Variants in LRTM1 observed in about 807,000 individuals in gnomAD.
LRTM1 encodes leucine-rich repeat and transmembrane domain-containing protein 1.
In LRTM1, 38 loss-of-function variants were observed where a neutral mutation model predicts 32.4. That is an observed-to-expected ratio of 1.17 (90% CI 0.91 to 1.54). The LOEUF (loss-of-function observed/expected upper bound fraction) is 1.54. LRTM1 is among the 40% of genes most tolerant of loss of function. The pLI is 0.00. For missense variants in LRTM1, 466 were observed against 415.4 expected, an observed-to-expected ratio of 1.12 and a Z score of -1.06; for synonymous variants, 186 against 169.9, an observed-to-expected ratio of 1.09 and a Z score of -0.74.
chr3:54,959,338 T>C (rs1355850297), intron 1 of LRTM1, among the ~76,000 whole-genome samples: 2 of 152,160 alleles, frequency 1.3e-5, no homozygotes, highest in African/African-American at 4.8e-5. Flanking sequence ...GGGAGCTGGG[T>C]GTGCTTGGGC....
intron 1 of LRTM1, among the ~76,000 whole-genome samples, chr3:54,961,371 C>T (rs973913774): frequency 2.6e-5 from 4 of 152,174 alleles, no homozygotes; most frequent in African/African-American, 7.2e-5. Flanking sequence ...GGAAAAGTCA[C>T]TCTACTCCTA....
At chr3:54,936,817 G>A (rs1360037108) in intron 1 of LRTM1, among the ~76,000 whole-genome samples, 5 of 152,148 alleles carry the variant, frequency 3.3e-5, no homozygotes, top group African/African-American at 9.7e-5. Flanking sequence ...GTTGATAGGA[G>A]TGGAAACATT....
chr3:54,932,997 G>T (rs1303789432), upstream of LRTM1, among the ~76,000 whole-genome samples: 1 of 152,094 alleles, frequency 6.6e-6, no homozygotes, highest in Non-Finnish European at 1.5e-5. Flanking sequence ...CAGGTACACA[G>T]TTTATACAGA....
intron 2 of LRTM1, among the ~76,000 whole-genome samples, chr3:54,921,935 C>T (rs1700864150): frequency 6.7e-6 from 1 of 148,884 alleles, no homozygotes; most frequent in African/African-American, 2.4e-5. Flanking sequence ...AAGATCTTGA[C>T]TCATATCTGT....
intron 1 of LRTM1, among the ~76,000 whole-genome samples, chr3:54,946,800 A>T (rs759038563): frequency 1.5e-4 from 23 of 149,654 alleles, no homozygotes; most frequent in Non-Finnish European, 2.8e-4. Flanking sequence ...ACAACTTTGG[A>T]AGTAGATGTG....
intron 1 of LRTM1, among the ~76,000 whole-genome samples, chr3:54,939,706 G>C (rs769561273): frequency 6.6e-6 from 1 of 152,176 alleles, no homozygotes; most frequent in African/African-American, 2.4e-5. Context: ...TTCAGAAGCC[G>C]CCCCTGCAGG....
chr3:54,930,485 G>A (rs886803455), upstream of LRTM1, among the ~76,000 whole-genome samples: 11 of 152,172 alleles, frequency 7.2e-5, no homozygotes, highest in African/African-American at 2.7e-4. Flanking sequence ...TGTCTATAAG[G>A]CCCAGCTGGG....
intron 1 of LRTM1, among the ~76,000 whole-genome samples, chr3:54,949,069 C>T (rs1424365280): frequency 1.2e-4 from 18 of 152,196 alleles, no homozygotes; most frequent in Non-Finnish European, 1.5e-5. Flanking sequence ...AGCAGGCCTT[C>T]CTCATCCAGT....
chr3:54,918,427 G>T lies in LRTM1; in HGVS notation c.*32C>A, dbSNP rs1700726310. 1 of 1,576,384 alleles carries T rather than the reference G, an allele frequency of 6.3e-7. No homozygotes were observed. Among genetic ancestry groups the T allele is most frequent in the South Asian group, 1.1e-5 (1 of 89,524 alleles). ...CTACTCAGACACTATCTTCTGGCCT[G>T]CAATGACCAATCCTATTTGAGACAA... On this transcript the variant is annotated 3_prime_UTR_variant, in exon 3 of 3. Transcript: ENST00000273286.
At chr3:54,959,194 C>T (rs555379504) in intron 1 of LRTM1, among the ~76,000 whole-genome samples, 24 of 152,304 alleles carry the variant, frequency 1.6e-4, no homozygotes, top group South Asian at 1.0e-3. Flanking sequence ...CCACAAGGTA[C>T]CAGTTGGGCC....
At chr3:54,955,542 A>G (rs1254851841) in intron 1 of LRTM1, among the ~76,000 whole-genome samples, 1 of 152,212 alleles carries the variant, frequency 6.6e-6, no homozygotes, top group Admixed American at 6.5e-5. Context: ...AAGAGGAGAA[A>G]CAATACTAAG....
rs750226567 is a variant in LRTM1 at position 54,924,704 on chromosome 3, C to T, written c.519G>A (p.Arg173=). 1.2e-6 allele frequency: 2 copies of T among 1,614,108 alleles called. No homozygotes were observed. The highest frequency in any genetic ancestry group is 1.6e-4 in the Middle Eastern group (1 of 6,062). ...RALLESMPSV[R]LLLLKDNLWK... is the part of the protein sequence containing the mutation. ...AGAGGTTGTCCTTGAGAAGTAAAAG[C>T]CTCACACTGGGCATGGATTCCAGGA... Residue 173 remains arginine (R), a synonymous_variant, in exon 2 of 3, where the codon AGG becomes AGA. Coordinates refer to ENST00000273286, the MANE Select transcript of LRTM1 (RefSeq NM_020678.4).
chr3:54,921,540 A>G (rs1332633465), intron 2 of LRTM1, among the ~76,000 whole-genome samples: 1 of 152,224 alleles, frequency 6.6e-6, no homozygotes, highest in Non-Finnish European at 1.5e-5. Flanking sequence ...TTAGGCCAGC[A>G]GGAAGACTAA....
chr3:54,960,448 C>G (rs970671460), intron 1 of LRTM1, among the ~76,000 whole-genome samples: 2 of 152,168 alleles, frequency 1.3e-5, no homozygotes, highest in Non-Finnish European at 2.9e-5. Context: ...TTCACTTGCA[C>G]TAGGCTAAAA....
Position 54,924,845 on chromosome 3 carries a change from C to T in LRTM1, c.378G>A (p.Glu126=), listed in dbSNP as rs772958375. 5 of 1,613,932 alleles carry T rather than the reference C, an allele frequency of 3.1e-6. No homozygotes were observed. The Admixed American group carries it at 6.7e-5, about 22-fold the overall frequency. Residue 126 remains glutamate (E), a synonymous_variant, in exon 2 of 3, where the codon GAG becomes GAA. Transcript: ENST00000273286. ...TTATGTTGTTTGATGACAAATCAAG[C>T]TCCCTCAGCTGAGGGAGGGAATGGA... ...RLFHSLPQLR[E]LDLSSNNISH... is the part of the protein sequence containing the mutation.
rs114234485 is a variant in LRTM1, at chr3:54,937,667, A to G, written c.-221-12452T>C. 4.1e-3 allele frequency among the ~76,000 whole-genome samples: 618 copies of G among 152,266 alleles called. 4 individuals are homozygous for G. Among genetic ancestry groups the G allele is most frequent in the African/African-American group, 0.014 (590 of 41,554 alleles). ...CTGAGAGGTGAGGGCAGGCATCCCA[A>G]TGGATGTTATAGCCAGGCTGAAATC... On this transcript the variant is annotated intron_variant, in intron 1 of 2. Transcript: ENST00000493075.
chr3:54,964,748 G>C (rs1358965816), intron 1 of LRTM1, among the ~76,000 whole-genome samples: 1 of 152,112 alleles, frequency 6.6e-6, no homozygotes, highest in South Asian at 2.1e-4. Context: ...TTTCTGAATA[G>C]AGTTGGCCAT....
upstream of LRTM1, among the ~76,000 whole-genome samples, chr3:54,929,364 G>A (rs1197660625): frequency 6.6e-6 from 1 of 152,188 alleles, no homozygotes. Flanking sequence ...AACCTGGACC[G>A]GTCAGCAGGA....
intron 1 of LRTM1, among the ~76,000 whole-genome samples, chr3:54,936,326 A>G (rs6762013): frequency 0.16 from 25,046 of 152,122 alleles, 2,613 homozygotes; most frequent in African/African-American, 0.3. Flanking sequence ...CTGCCCGTGG[A>G]CAGAGCTCCC....
Sources: allele counts gnomAD v4.1 joint callset (sites outside exome capture counted in the v4.1 genomes callset), GRCh38; gene constraint gnomAD v4.1.1; transcripts MANE v1.5; gene names NCBI Gene and HGNC (gene_info 2026-07-23, HGNC 2026-07-21).